Variants in DCUN1D3 observed in about 807,000 individuals in gnomAD.
DCUN1D3 encodes DCN1-like protein 3.
DCUN1D3 carries 6 observed loss-of-function variants against 24.8 expected under a neutral mutation model. The observed-to-expected ratio is 0.24, with a 90% CI of 0.13 to 0.48. The LOEUF is 0.48. Among genes scored for constraint, DCUN1D3 ranks in the 20% least tolerant of loss-of-function variants. The probability of loss-of-function intolerance (pLI) is 0.99; values close to 1 mark genes in which losing one functional copy is unlikely to be tolerated. For missense variants in DCUN1D3, 258 were observed against 379.4 expected (o/e 0.68, Z 2.66); for synonymous variants, 120 against 144.9 (o/e 0.83, Z 1.24).
intron 2 of DCUN1D3, 111 bp downstream of exon 2, chr16:20,861,997 A>T: frequency 8.6e-7 from 1 of 1,164,972 alleles, no homozygotes; most frequent in Non-Finnish European, 1.2e-6. Context: ...ATAAAAACTT[A>T]CCCAAAACCC....
At chr16:20,876,769 C>T (rs546820121) in intron 1 of DCUN1D3, among the ~76,000 whole-genome samples, 2 of 152,238 alleles carry the variant, frequency 1.3e-5, no homozygotes, top group African/African-American at 4.8e-5. Context: ...ATTATTCAGC[C>T]ATAAAAAAGT....
chr16:20,892,849 C>A (rs1325808932), intron 1 of DCUN1D3, among the ~76,000 whole-genome samples: 1 of 152,106 alleles, frequency 6.6e-6, no homozygotes, highest in African/African-American at 2.4e-5. Flanking sequence ...AGAAAAAAGC[C>A]CAGCTTTCTA....
At chr16:20,882,533 G>T (rs2081849686) in intron 1 of DCUN1D3, among the ~76,000 whole-genome samples, 1 of 152,162 alleles carries the variant, frequency 6.6e-6, no homozygotes, top group Non-Finnish European at 1.5e-5. Context: ...CCAAAGTGCT[G>T]GGATTATAGG....
rs1242350550 is a variant in DCUN1D3, at chr16:20,857,574, G to C, written c.*2312C>G. On this transcript the variant is annotated 3_prime_UTR_variant, in exon 3 of 3. Transcript: ENST00000324344. ...AACCACTACCCAATCCAGAACCGGG[G>C]AAAATGAGTTGCAAACTGGCTTAAT... is the stretch of plus-strand genomic sequence containing the variant. The C allele has an allele frequency of 2.0e-5, 3 of 152,208 alleles. No individual in the cohort carries two copies. Among genetic ancestry groups the C allele is most frequent in the African/African-American group, 4.8e-5 (2 of 41,424 alleles). 9.4% of individuals were successfully genotyped at this position (152,208 alleles called of 1,614,324 possible).
At chr16:20,886,298 G>A (rs1486242032) in intron 1 of DCUN1D3, among the ~76,000 whole-genome samples, 3 of 152,152 alleles carry the variant, frequency 2.0e-5, no homozygotes, top group South Asian at 2.1e-4. Context: ...AAGGTGTGGC[G>A]CTGCACTAGA....
chr16:20,894,945 A>C (rs561071737), intron 1 of DCUN1D3, among the ~76,000 whole-genome samples: 2 of 152,342 alleles, frequency 1.3e-5, no homozygotes, highest in African/African-American at 4.8e-5. Context: ...GCAATTGGCC[A>C]TCTGTATCAA....
intron 1 of DCUN1D3, among the ~76,000 whole-genome samples, chr16:20,880,969 T>C (rs2152517920): frequency 6.6e-6 from 1 of 152,154 alleles, no homozygotes; most frequent in South Asian, 2.1e-4. Context: ...AGCCTGAAGG[T>C]TTAAATTGCT....
rs1263955756 is a variant in DCUN1D3, at chr16:20,865,063, G to A, written c.-105-2420C>T. On this transcript the variant is annotated intron_variant, in intron 1 of 2. Coordinates refer to ENST00000324344, the MANE Select transcript of DCUN1D3 (RefSeq NM_173475.4). ...GCTCTGGACTTAACACCTGGGTGATGAAATAATATGTACAACAAACCCCCA... is the reference window on the plus strand; with the variant it reads ...GCTCTGGACTTAACACCTGGGTGATAAAATAATATGTACAACAAACCCCCA... Among the ~76,000 whole-genome samples the A allele has an allele frequency of 3.9e-5, 6 of 151,958 alleles. 1 individual carries two copies. The South Asian group carries it at 1.2e-3, about 32-fold the overall frequency.
intron 1 of DCUN1D3, among the ~76,000 whole-genome samples, chr16:20,869,576 G>A (rs533782474): frequency 6.6e-6 from 1 of 152,272 alleles, no homozygotes; most frequent in South Asian, 2.1e-4. Context: ...CAGAGAGAAG[G>A]CAGGTTTAAT....
At chr16:20,866,246 A>C (rs1035427843) in intron 1 of DCUN1D3, among the ~76,000 whole-genome samples, 4 of 152,182 alleles carry the variant, frequency 2.6e-5, no homozygotes, top group Non-Finnish European at 5.9e-5. Context: ...TTGTGTTCCT[A>C]AAGACTAGAA....
intron 1 of DCUN1D3, among the ~76,000 whole-genome samples, chr16:20,873,451 G>A (rs1005994236): frequency 6.6e-6 from 1 of 152,170 alleles, no homozygotes; most frequent in East Asian, 1.9e-4. Flanking sequence ...GGAGCAAGAG[G>A]CTCATTCAAA....
chr16:20,864,796 AACG>A (rs1192665213), intron 1 of DCUN1D3, among the ~76,000 whole-genome samples: 6 of 148,372 alleles, frequency 4.0e-5, no homozygotes, highest in African/African-American at 1.5e-4. Flanking sequence ...TACACCACGG[AACG>A]CTATGCAGCC....
chr16:20,879,096 T>C (rs560217551), intron 1 of DCUN1D3, among the ~76,000 whole-genome samples: 1 of 152,318 alleles, frequency 6.6e-6, no homozygotes, highest in Admixed American at 6.5e-5. Context: ...GGCTGTTTTA[T>C]AAAAACAGAG....
chr16:20,860,325 A>G lies in DCUN1D3; in HGVS notation c.476T>C (p.Ile159Thr). Residue 159 changes from isoleucine to threonine, a missense_variant, in exon 3 of 3, where the codon ATT becomes ACT. Physicochemically the swap from Ile to Thr is moderately conservative, Grantham distance 89. Coordinates refer to ENST00000324344, the MANE Select transcript of DCUN1D3 (RefSeq NM_173475.4). The surrounding 1 kb of genome is among the most constrained non-coding windows in gnomAD (Gnocchi z 4.3). ...DGCKAISADS[I>T]DGICARFPSL... ...AGGGAACCGTGCACAGATTCCGTCA[A>G]TGCTGTCTGCACTTATTGCTTTGCA... The G allele has an allele frequency of 6.2e-7, 1 of 1,614,128 alleles. No homozygotes were observed. Among genetic ancestry groups the G allele is most frequent in the Non-Finnish European group, 8.5e-7 (1 of 1,180,002 alleles).
intron 1 of DCUN1D3, among the ~76,000 whole-genome samples, chr16:20,880,604 C>CAAAAAAAAAAAAAAAAAAA (rs34275241): frequency 5.8e-5 from 3 of 51,924 alleles, no homozygotes; most frequent in Non-Finnish European, 9.3e-5. Context: ...GACCCTGTCT[C>CAAAAAAAAAAAAAAAAAAA]AAAAAAAAAA....
At chr16:20,882,141 C>T (rs2081847232) in intron 1 of DCUN1D3, among the ~76,000 whole-genome samples, 1 of 151,754 alleles carries the variant, frequency 6.6e-6, no homozygotes, top group Non-Finnish European at 1.5e-5. Context: ...GAATCCCTCC[C>T]CATTCCTTTC....
chr16:20,880,784 C>T (rs2081839919), intron 1 of DCUN1D3, among the ~76,000 whole-genome samples: 1 of 152,104 alleles, frequency 6.6e-6, no homozygotes, highest in Non-Finnish European at 1.5e-5. Context: ...GTAACATCCA[C>T]AAATAGTTTC....
At chr16:20,865,455 A>G (rs2081756955) in intron 1 of DCUN1D3, among the ~76,000 whole-genome samples, 1 of 152,116 alleles carries the variant, frequency 6.6e-6, no homozygotes, top group South Asian at 2.1e-4. Flanking sequence ...GCTACTTAGG[A>G]CTCTTATTCC....
At position 20,899,602 on chromosome 16, in the gene DCUN1D3, G is replaced by C. The variant is rs1301564081; in HGVS notation, c.-106+602C>G. 2.0e-5 allele frequency among the ~76,000 whole-genome samples: 3 copies of C among 152,262 alleles called. No individual in the cohort carries two copies. The South Asian group carries it at 6.2e-4, about 32-fold the overall frequency. ...AAAGTGGAAACCAGGGGTGTGCATG[G>C]GGGAGGATGAGGGGTGAGAAGTGCG... On this transcript the variant is annotated intron_variant, in intron 1 of 2. Coordinates refer to ENST00000324344, the MANE Select transcript of DCUN1D3 (RefSeq NM_173475.4).
Sources: allele counts gnomAD v4.1 joint callset (sites outside exome capture counted in the v4.1 genomes callset), GRCh38; gene constraint gnomAD v4.1.1; non-coding constraint Gnocchi (gnomAD v3.1); transcripts MANE v1.5; gene names NCBI Gene and HGNC (gene_info 2026-07-23, HGNC 2026-07-21).